The following SPECC1 variants were observed in gnomAD, a reference collection of about 807,000 sequenced individuals.
The protein encoded by SPECC1 is sperm antigen with calponin homology and coiled-coil domains 1, also known as cytospin-B.
In SPECC1, 62 loss-of-function variants were observed where a neutral mutation model predicts 104.1. That is an observed-to-expected ratio of 0.60 (90% CI 0.49 to 0.74). The LOEUF is 0.74. Ranked by LOEUF, SPECC1 falls within the 30% of genes least tolerant of loss-of-function variation. SPECC1 has a pLI of 0.00. For synonymous variants in SPECC1, 513 were observed against 501.6 expected, an observed-to-expected ratio of 1.02 and a Z score of -0.30; for missense variants, 1,306 against 1,310.5, an observed-to-expected ratio of 1.00 and a Z score of 0.05.
intron 3 of SPECC1, among the ~76,000 whole-genome samples, chr17:20,162,214 C>T (rs1483478924): frequency 6.6e-6 from 1 of 152,072 alleles, no homozygotes; most frequent in East Asian, 1.9e-4. Context: ...GGCACGATCT[C>T]GCCTCACTGC....
intron 3 of SPECC1, among the ~76,000 whole-genome samples, chr17:20,136,783 G>A (rs937349127): frequency 8.6e-5 from 13 of 151,998 alleles, no homozygotes; most frequent in African/African-American, 9.7e-5. Context: ...GAACCTCCTC[G>A]TTCTGGTCCC....
intron 2 of SPECC1, among the ~76,000 whole-genome samples, chr17:20,106,840 G>A (rs1381121809): frequency 2.6e-5 from 4 of 152,144 alleles, no homozygotes; most frequent in Non-Finnish European, 4.4e-5. Context: ...TGCTAAATTA[G>A]GGGACTGTGC....
intron 3 of SPECC1, among the ~76,000 whole-genome samples, chr17:20,173,413 T>C (rs1271279073): frequency 6.6e-6 from 1 of 152,244 alleles, no homozygotes; most frequent in Non-Finnish European, 1.5e-5. Flanking sequence ...GTGCCATGTT[T>C]ATTGTATATG....
At chr17:20,251,114 G>T (rs918386181) in intron 9 of SPECC1, among the ~76,000 whole-genome samples, 4 of 151,188 alleles carry the variant, frequency 2.6e-5, no homozygotes, top group African/African-American at 9.7e-5. Context: ...GTAACCCCCA[G>T]CTACTTGGGA....
chr17:20,200,743 A>G (rs1381152886), intron 3 of SPECC1, among the ~76,000 whole-genome samples: 3 of 152,234 alleles, frequency 2.0e-5, no homozygotes, highest in South Asian at 2.1e-4. Flanking sequence ...GCCTGGGCTC[A>G]CATGGTGGGT....
At chr17:20,203,356 T>C (rs1289440624) in intron 3 of SPECC1, among the ~76,000 whole-genome samples, 2 of 152,092 alleles carry the variant, frequency 1.3e-5, no homozygotes, top group Non-Finnish European at 2.9e-5. Flanking sequence ...TAGAGCACAA[T>C]GGAGACTGAT....
Position 20,162,876 on chromosome 17 carries a change from A to G in SPECC1, c.284-41457A>G, listed in dbSNP as rs12942281. On this transcript the variant is annotated intron_variant, in intron 3 of 14. Coordinates refer to ENST00000395527, the MANE Select transcript of SPECC1 (RefSeq NM_001243439.2). ...AGCCTTGTCTCTACTGAAAAATACA[A>G]AATTAGCCAGGCATGGTGGCACATG... 3.9e-5 allele frequency among the ~76,000 whole-genome samples: 6 copies of G among 152,326 alleles called. No homozygotes were observed. In the South Asian group the frequency reaches 1.2e-3, roughly 32 times the overall value.
chr17:20,241,609 G>A (rs1166701508), intron 7 of SPECC1, among the ~76,000 whole-genome samples: 1 of 152,116 alleles, frequency 6.6e-6, no homozygotes, highest in Non-Finnish European at 1.5e-5. Flanking sequence ...AATGATACTC[G>A]ACTACAGGAC....
chr17:20,263,617 G>A (rs907610115), intron 12 of SPECC1, among the ~76,000 whole-genome samples: 14 of 152,064 alleles, frequency 9.2e-5, no homozygotes, highest in Non-Finnish European at 1.3e-4. Flanking sequence ...GAGGTTTAGC[G>A]TAAAGAAAAT....
chr17:20,082,997 C>CGTTT (rs1305753880), intron 1 of SPECC1, among the ~76,000 whole-genome samples: 2 of 151,516 alleles, frequency 1.3e-5, no homozygotes, highest in Admixed American at 6.6e-5. Context: ...TTCGTTCGTT[C>CGTTT]GTTCGTTCAT....
At chr17:20,254,134 C>CGTGTGTAT in intron 10 of SPECC1, among the ~76,000 whole-genome samples, 2 of 135,976 alleles carry the variant, frequency 1.5e-5, no homozygotes, top group South Asian at 5.0e-4. Flanking sequence ...GTTGTTACAC[C>CGTGTGTAT]GTGTGTGTGT....
chr17:20,219,310 A>C (rs772227534), intron 4 of SPECC1, among the ~76,000 whole-genome samples: 1 of 152,098 alleles, frequency 6.6e-6, no homozygotes, highest in Non-Finnish European at 1.5e-5. Context: ...CTTCCCCAGC[A>C]TTTGTCATTC....
At chr17:20,209,220 G>A (rs1169866599) in intron 4 of SPECC1, among the ~76,000 whole-genome samples, 1 of 152,130 alleles carries the variant, frequency 6.6e-6, no homozygotes, top group Non-Finnish European at 1.5e-5. Context: ...AGCAGGTATC[G>A]GAGTAACTGT....
chr17:20,112,593 C>A lies in SPECC1; in HGVS notation c.283+2031C>A, dbSNP rs56696913. ...CTTGCACATGCAAATCTTTGCTGTGCAAATCTTAAACAAGCTGATCTCTCT... is the reference window on the plus strand; with the variant it reads ...CTTGCACATGCAAATCTTTGCTGTGAAAATCTTAAACAAGCTGATCTCTCT... On this transcript the variant is annotated intron_variant, in intron 3 of 14. Coordinates refer to ENST00000395527, the MANE Select transcript of SPECC1 (RefSeq NM_001243439.2). The A allele has an allele frequency of 2.3e-3, 1,926 of 853,000 alleles. 12 individuals are homozygous for A. The highest frequency in any genetic ancestry group is 0.022 in the African/African-American group (1,325 of 60,508). 52.8% of individuals were successfully genotyped at this position (853,000 alleles called of 1,614,324 possible).
At chr17:20,026,588 A>G (rs1307009686) in intron 1 of SPECC1, among the ~76,000 whole-genome samples, 1 of 152,130 alleles carries the variant, frequency 6.6e-6, no homozygotes, top group African/African-American at 2.4e-5. Flanking sequence ...CTCCAGGTTC[A>G]TCCATGTTGC....
intron 3 of SPECC1, among the ~76,000 whole-genome samples, chr17:20,140,744 G>A (rs1394041088): frequency 6.6e-6 from 1 of 152,144 alleles, no homozygotes; most frequent in Non-Finnish European, 1.5e-5. Flanking sequence ...TTATTTTGGT[G>A]AATTGATTAT....
intron 1 of SPECC1, among the ~76,000 whole-genome samples, chr17:20,051,652 C>T (rs985240692): frequency 6.6e-5 from 10 of 152,084 alleles, no homozygotes; most frequent in South Asian, 2.1e-4. Context: ...TGCTAGACAG[C>T]GTTTTAGGTA....
chr17:20,094,852 G>A (rs958986296), intron 1 of SPECC1, among the ~76,000 whole-genome samples: 3 of 152,064 alleles, frequency 2.0e-5, no homozygotes, highest in Admixed American at 2.0e-4. Context: ...CTCCCACTTT[G>A]GCCTCCCAAA....
At chr17:20,293,791 G>C (rs954759723) in intron 12 of SPECC1, among the ~76,000 whole-genome samples, 3 of 152,272 alleles carry the variant, frequency 2.0e-5, no homozygotes, top group Non-Finnish European at 4.4e-5. Context: ...GCTTTAGTAG[G>C]CTTGGGAACT....
Sources: allele counts gnomAD v4.1 joint callset (sites outside exome capture counted in the v4.1 genomes callset), GRCh38; gene constraint gnomAD v4.1.1; transcripts MANE v1.5; gene names NCBI Gene and HGNC (gene_info 2026-07-23, HGNC 2026-07-21).